Variants in WNT2 observed in about 807,000 individuals in gnomAD.
WNT2 encodes the protein Wnt family member 2.
In WNT2, 12 loss-of-function variants were observed where a neutral mutation model predicts 36.9. That is an observed-to-expected ratio of 0.33 (90% confidence interval 0.21 to 0.53). The LOEUF is 0.53. Ranked by LOEUF, WNT2 falls within the 20% of genes least tolerant of loss-of-function variation. The pLI, the probability that WNT2 is intolerant of heterozygous loss-of-function variation, is 0.95. For synonymous variants in WNT2, 163 were observed against 174.6 expected, an observed-to-expected ratio of 0.93 and a Z score of 0.52; for missense variants, 379 against 473.1, an observed-to-expected ratio of 0.80 and a Z score of 1.84.
At chr7:117,317,472 T>G (rs1281657417) in intron 2 of WNT2, among the ~76,000 whole-genome samples, 2 of 151,440 alleles carry the variant, frequency 1.3e-5, no homozygotes, top group Non-Finnish European at 2.9e-5. Flanking sequence ...TTGACTGGTT[T>G]TTCATTTTAC....
At chr7:117,306,118 T>G (rs1209186468) in intron 3 of WNT2, among the ~76,000 whole-genome samples, 2 of 152,246 alleles carry the variant, frequency 1.3e-5, no homozygotes, top group African/African-American at 2.4e-5. Flanking sequence ...GAGCTACAAT[T>G]TATTCATTTG....
intron 2 of WNT2, among the ~76,000 whole-genome samples, chr7:117,315,859 A>G (rs1050955882): frequency 1.3e-5 from 2 of 152,222 alleles, no homozygotes; most frequent in African/African-American, 4.8e-5. Context: ...ATTGAGAATG[A>G]AATACTGAAT....
chr7:117,304,483 C>G (rs1794977733), intron 3 of WNT2, among the ~76,000 whole-genome samples: 2 of 143,548 alleles, frequency 1.4e-5, no homozygotes, highest in South Asian at 2.2e-4. Context: ...GTTGGCCAGG[C>G]TGGAGTGCAA....
intron 4 of WNT2, among the ~76,000 whole-genome samples, chr7:117,294,593 TAAA>T (rs5886850): frequency 4.3e-4 from 55 of 128,374 alleles, no homozygotes; most frequent in Admixed American, 4.6e-4. Flanking sequence ...AACTGGCAAC[TAAA>T]AAAAAAAAAA....
chr7:117,304,988 T>C (rs1031834960), intron 3 of WNT2, among the ~76,000 whole-genome samples: 1 of 152,082 alleles, frequency 6.6e-6, no homozygotes, highest in African/African-American at 2.4e-5. Context: ...TTCTTTCTCT[T>C]TGGGGATCTG....
intron 3 of WNT2, among the ~76,000 whole-genome samples, chr7:117,304,211 C>T (rs552673082): frequency 8.7e-4 from 132 of 152,340 alleles, no homozygotes; most frequent in African/African-American, 2.8e-3. Flanking sequence ...TATACCTCCA[C>T]AGGCTTTTGG....
chr7:117,313,639 C>T (rs1293736843), intron 3 of WNT2, among the ~76,000 whole-genome samples: 1 of 152,116 alleles, frequency 6.6e-6, no homozygotes, highest in Non-Finnish European at 1.5e-5. Context: ...TAACTATATA[C>T]CCTGTTTGAA....
Position 117,276,758 on chromosome 7 carries a change from T to C in WNT2, c.*1397A>G, listed in dbSNP as rs961748281. 1 of 152,174 alleles carries C rather than the reference T, an allele frequency of 6.6e-6. No homozygotes were observed. The highest frequency in any genetic ancestry group is 2.4e-5 in the African/African-American group (1 of 41,440). 9.4% of individuals were successfully genotyped at this position (152,174 alleles called of 1,614,324 possible). ...TATTTCACCTTTCTTTCATTTAACA[T>C]AAAAAAACGGTGCAGGCAGCCTCTC... is the stretch of plus-strand genomic sequence containing the variant. On this transcript the variant is annotated 3_prime_UTR_variant, in exon 5 of 5. Coordinates refer to ENST00000265441, the MANE Select transcript of WNT2 (RefSeq NM_003391.3).
chr7:117,293,083 C>T (rs1175001142), intron 4 of WNT2, among the ~76,000 whole-genome samples: 1 of 151,922 alleles, frequency 6.6e-6, no homozygotes, highest in African/African-American at 2.4e-5. Context: ...GATGGTGCTA[C>T]TGCAGTCTGG....
Position 117,315,214 on chromosome 7 carries a change from T to C in WNT2, c.445A>G (p.Lys149Glu), listed in dbSNP as rs1795193874. ...PKKMGSAKDS[K>E]GIFDWGGCSD... ...CAGCCACCCCAATCAAAAATGCCTT[T>C]GCTGTCCTTGGCGCTTCCCATCTTC... The change falls in exon 3 of 5, where the codon AAA becomes GAA. Residue 149 changes from lysine (K) to glutamate (E), a missense_variant. By Grantham distance (56) the Lys-to-Glu change is moderately conservative. Coordinates refer to ENST00000265441, the MANE Select transcript of WNT2 (RefSeq NM_003391.3). The C allele has an allele frequency of 4.3e-6, 7 of 1,614,202 alleles. No individual in the cohort carries two copies. The highest frequency in any genetic ancestry group is 5.1e-6 in the Non-Finnish European group (6 of 1,180,026).
Position 117,278,107 on chromosome 7 carries a change from C to T in WNT2, c.*48G>A, listed in dbSNP as rs368856691. ...CAAAGGTCCAGTGTTCTTGCAGATC[C>T]AATGGAGTCCTTGTAGAAGGGAAGG... is the stretch of plus-strand genomic sequence containing the variant. On this transcript the variant is annotated 3_prime_UTR_variant, in exon 5 of 5. Transcript: ENST00000265441. 1.9e-5 allele frequency: 31 copies of T among 1,594,610 alleles called. No individual in the cohort carries two copies. In the African/African-American group the frequency reaches 3.9e-4, roughly 20 times the overall value.
chr7:117,301,028 C>G (rs961441961), intron 3 of WNT2: 1 of 144,810 alleles, frequency 6.9e-6, no homozygotes, highest in African/African-American at 2.5e-5. Flanking sequence ...TTTTGTGATC[C>G]AAGTTAGTAA....
At chr7:117,320,341 C>T in intron 2 of WNT2, 1 of 550,294 alleles carries the variant, frequency 1.8e-6, no homozygotes, top group African/African-American at 1.9e-5. Context: ...GAAAAGACAA[C>T]AGCCTGGGGT....
rs147447590 is a variant in WNT2 at position 117,304,967 on chromosome 7, G to C, written c.589-7091C>G. On this transcript the variant is annotated intron_variant, in intron 3 of 4. Transcript: ENST00000265441. ...AAGTTTAGAGGAAGGAGCAGGGCTT[G>C]TGTGCCTGGGTTCTTTCTCTTTGGG... is the stretch of plus-strand genomic sequence containing the variant. 2.0e-3 allele frequency among the ~76,000 whole-genome samples: 298 copies of C among 152,242 alleles called. 1 individual carries two copies. The highest frequency in any genetic ancestry group is 6.8e-3 in the Middle Eastern group (2 of 294).
chr7:117,305,424 A>G (rs900622075), intron 3 of WNT2, among the ~76,000 whole-genome samples: 2 of 152,192 alleles, frequency 1.3e-5, no homozygotes, highest in African/African-American at 4.8e-5. Flanking sequence ...TGATTAGGCT[A>G]TAAAAAAGTT....
chr7:117,322,640 T>C lies in WNT2; in HGVS notation c.83+267A>G, dbSNP rs936009258. 2.0e-5 allele frequency among the ~76,000 whole-genome samples: 3 copies of C among 152,088 alleles called. No homozygotes were observed. On this transcript the variant is annotated intron_variant, in intron 1 of 4. Coordinates refer to ENST00000265441, the MANE Select transcript of WNT2 (RefSeq NM_003391.3). This position sits in a 1 kb window ranked among gnomAD's most constrained non-coding sequence, Gnocchi z 5.4. The stretch of plus-strand genomic sequence containing the variant: ...AGGATAAGAAATTGGCTGATTTTGC[T>C]GTCGCTCAGCTGGATCCAAATAAAC...
Position 117,291,629 on chromosome 7 carries a change from C to T in WNT2, c.853+5983G>A, listed in dbSNP as rs560621572. The stretch of plus-strand genomic sequence containing the variant: ...GCACAACATCACACGGTTGTACGTA[C>T]TCTTCAGATCTGAGCTGCATGGGGC... On this transcript the variant is annotated intron_variant, in intron 4 of 4. Transcript: ENST00000265441. Among the ~76,000 whole-genome samples the T allele has an allele frequency of 2.6e-5, 4 of 152,350 alleles. No individual in the cohort carries two copies. The South Asian group carries it at 8.3e-4, about 32-fold the overall frequency.
intron 4 of WNT2, among the ~76,000 whole-genome samples, chr7:117,294,662 T>A (rs952478529): frequency 6.6e-6 from 1 of 151,294 alleles, no homozygotes; most frequent in Non-Finnish European, 1.5e-5. Flanking sequence ...CAATTTCAAA[T>A]TTTTTAAAGT....
chr7:117,311,583 T>G (rs1357804119), intron 3 of WNT2, among the ~76,000 whole-genome samples: 1 of 152,212 alleles, frequency 6.6e-6, no homozygotes, highest in Admixed American at 6.5e-5. Context: ...ATTTTATCAA[T>G]TAAAAAATAC....
Sources: gnomAD v4.1 joint callset for allele counts (sites outside exome capture counted in the v4.1 genomes callset) on GRCh38, gnomAD v4.1.1 for gene constraint, Gnocchi (gnomAD v3.1) non-coding constraint, MANE v1.5 for transcripts, NCBI Gene and HGNC (gene_info 2026-07-23, HGNC 2026-07-21) for gene names.